The following PLPPR1 variants were observed in gnomAD, a reference collection of about 807,000 sequenced individuals.
PLPPR1 encodes the protein phospholipid phosphatase-related protein type 1.
A neutral mutation model predicts 33.1 loss-of-function variants in PLPPR1; 10 were observed. The ratio of observed to expected loss-of-function variants is 0.30; its 90% CI spans 0.19 to 0.51. The LOEUF (loss-of-function observed/expected upper bound fraction) is 0.51. Ranked by LOEUF, PLPPR1 falls within the 20% of genes least tolerant of loss-of-function variation. The pLI is 0.97. For missense variants in PLPPR1, 304 were observed against 408.1 expected (o/e 0.74, Z 2.20); for synonymous variants, 151 against 151.0 (o/e 1.00, Z 0.00).
At chr9:101,177,898 G>T (rs1341611297) in intron 1 of PLPPR1, among the ~76,000 whole-genome samples, 1 of 151,956 alleles carries the variant, frequency 6.6e-6, no homozygotes, top group Non-Finnish European at 1.5e-5. Flanking sequence ...AATCTGGATT[G>T]GTATAATAAT....
At chr9:101,292,090 G>T (rs566077128) in intron 4 of PLPPR1, among the ~76,000 whole-genome samples, 6 of 152,176 alleles carry the variant, frequency 3.9e-5, no homozygotes, top group Non-Finnish European at 5.9e-5. Context: ...ACAGAGAAGT[G>T]CTTAAAGGAG....
At chr9:101,125,771 G>C (rs1183135407) in intron 1 of PLPPR1, 1 of 898,198 alleles carries the variant, frequency 1.1e-6, no homozygotes, top group Non-Finnish European at 1.6e-6. Context: ...TTTCACTTCA[G>C]AAAGTCCAAA....
At chr9:101,097,893 T>A (rs1226893382) in intron 1 of PLPPR1, among the ~76,000 whole-genome samples, 1 of 152,184 alleles carries the variant, frequency 6.6e-6, no homozygotes, top group Non-Finnish European at 1.5e-5. Flanking sequence ...TAGCTTGGCA[T>A]GTCTGGAGAA....
At chr9:101,191,464 CTT>C (rs1266725036) in intron 2 of PLPPR1, among the ~76,000 whole-genome samples, 3 of 152,118 alleles carry the variant, frequency 2.0e-5, no homozygotes, top group Non-Finnish European at 2.9e-5. Context: ...TTCTGTTACT[CTT>C]TCTCTCTTCC....
At chr9:101,169,827 T>A (rs891816663) in intron 1 of PLPPR1, among the ~76,000 whole-genome samples, 14 of 152,170 alleles carry the variant, frequency 9.2e-5, no homozygotes, top group African/African-American at 2.9e-4. Flanking sequence ...GTGTTCTGGT[T>A]TACATTTTTA....
At chr9:101,307,895 C>G (rs534626394) in intron 4 of PLPPR1, among the ~76,000 whole-genome samples, 7 of 151,790 alleles carry the variant, frequency 4.6e-5, no homozygotes, top group Admixed American at 2.0e-4. Flanking sequence ...CTCTTCAACC[C>G]ACTTATAGCT....
chr9:101,217,518 A>C (rs990878523), intron 2 of PLPPR1, among the ~76,000 whole-genome samples: 1 of 152,106 alleles, frequency 6.6e-6, no homozygotes, highest in Non-Finnish European at 1.5e-5. Context: ...CACATTCTCA[A>C]TTTTTACTGG....
chr9:101,195,594 G>C (rs1273400872), intron 2 of PLPPR1, among the ~76,000 whole-genome samples: 2 of 152,102 alleles, frequency 1.3e-5, no homozygotes, highest in Non-Finnish European at 2.9e-5. Context: ...ACTGGACTAG[G>C]AGACCATTAA....
intron 1 of PLPPR1, among the ~76,000 whole-genome samples, chr9:101,064,985 C>G (rs1830393733): frequency 6.6e-6 from 1 of 152,006 alleles, no homozygotes; most frequent in South Asian, 2.1e-4. Flanking sequence ...TCCCAAAGGT[C>G]CTGCCTCTCA....
At chr9:101,200,630 ATTTTTC>A (rs1826475419) in intron 2 of PLPPR1, among the ~76,000 whole-genome samples, 1 of 152,068 alleles carries the variant, frequency 6.6e-6, no homozygotes, top group Non-Finnish European at 1.5e-5. Flanking sequence ...CATTTTGTTT[ATTTTTC>A]ATGTTGTATG....
intron 2 of PLPPR1, among the ~76,000 whole-genome samples, chr9:101,201,283 A>C (rs888584778): frequency 6.6e-6 from 1 of 152,218 alleles, no homozygotes. Context: ...AAGTTTCAAC[A>C]CCTGAACTTT....
At chr9:101,092,982 C>G (rs1830766102) in intron 1 of PLPPR1, among the ~76,000 whole-genome samples, 1 of 152,118 alleles carries the variant, frequency 6.6e-6, no homozygotes, top group Non-Finnish European at 1.5e-5. Context: ...TCACCAGACA[C>G]CAAATCTAAT....
intron 1 of PLPPR1, among the ~76,000 whole-genome samples, chr9:101,151,668 G>A (rs941114573): frequency 2.2e-4 from 33 of 152,128 alleles, no homozygotes; most frequent in African/African-American, 8.0e-4. Context: ...CAAAGGGATG[G>A]CAACTATGTA....
chr9:101,032,572 AT>A (rs1192717243), intron 1 of PLPPR1, among the ~76,000 whole-genome samples: 1 of 152,178 alleles, frequency 6.6e-6, no homozygotes, highest in African/African-American at 2.4e-5. Context: ...CATCACCAGC[AT>A]TTAGCACAGG....
In PLPPR1 at chr9:101,168,991, T is replaced by G. The variant is rs144643857; in HGVS notation, c.-45-16459T>G. ...TTTTGTTGTTGATAACTTCAGTTAC[T>G]TTTTTATATTTGAAATTTTATAACC... On this transcript the variant is annotated intron_variant, in intron 1 of 7. Coordinates refer to ENST00000374874, the MANE Select transcript of PLPPR1 (RefSeq NM_207299.2). Among the ~76,000 whole-genome samples, 103 of 152,284 alleles carry G rather than the reference T, an allele frequency of 6.8e-4. 3 individuals carry two copies. In the East Asian group the frequency reaches 0.013, roughly 19 times the overall value.
At chr9:101,260,841 C>A (rs1305127734) in intron 2 of PLPPR1, among the ~76,000 whole-genome samples, 2 of 152,070 alleles carry the variant, frequency 1.3e-5, no homozygotes, top group Non-Finnish European at 2.9e-5. Flanking sequence ...AAAGATAGAT[C>A]CTGGGTGGGT....
At chr9:101,065,944 C>G (rs990435353) in intron 1 of PLPPR1, among the ~76,000 whole-genome samples, 6 of 151,992 alleles carry the variant, frequency 3.9e-5, no homozygotes, top group African/African-American at 1.4e-4. Flanking sequence ...ACTTTTGTCC[C>G]AATTCATGAA....
chr9:101,198,804 G>A (rs765572820), intron 2 of PLPPR1, among the ~76,000 whole-genome samples: 1 of 152,228 alleles, frequency 6.6e-6, no homozygotes, highest in African/African-American at 2.4e-5. Flanking sequence ...AAGGTACTGA[G>A]AATTTGAAGA....
At chr9:101,294,151 T>C (rs368932111) in intron 4 of PLPPR1, among the ~76,000 whole-genome samples, 7,399 of 147,544 alleles carry the variant, frequency 0.05, 204 homozygotes, top group South Asian at 0.11. Flanking sequence ...ATACAAACTA[T>C]CATCAGAGAA....
Sources: gnomAD v4.1 joint callset for allele counts (sites outside exome capture counted in the v4.1 genomes callset) on GRCh38, gnomAD v4.1.1 for gene constraint, MANE v1.5 for transcripts, NCBI Gene and HGNC (gene_info 2026-07-23, HGNC 2026-07-21) for gene names.